The following WSCD2 variants were observed in gnomAD, a reference collection of about 807,000 sequenced individuals.
WSCD2 encodes WSC domain sialate O sulfotransferase 2.
A neutral mutation model predicts 55.7 loss-of-function variants in WSCD2; 28 were observed. The ratio of observed to expected loss-of-function variants is 0.50; its 90% CI spans 0.37 to 0.69. The LOEUF is 0.69. Among genes scored for constraint, WSCD2 ranks in the 30% least tolerant of loss-of-function variants. The pLI, the probability that WSCD2 is intolerant of heterozygous loss-of-function variation, is 0.00. For missense variants in WSCD2, 616 were observed against 762.1 expected (o/e 0.81, Z 2.26); for synonymous variants, 301 against 301.9 (o/e 1.00, Z 0.03).
At chr12:108,237,792 G>A (rs1224430816) in intron 7 of WSCD2, among the ~76,000 whole-genome samples, 1 of 152,172 alleles carries the variant, frequency 6.6e-6, no homozygotes, top group Non-Finnish European at 1.5e-5. Flanking sequence ...GCTTTTCTAG[G>A]TTTTTTGTTT....
chr12:108,208,893 A>G (rs1885772743), intron 3 of WSCD2, among the ~76,000 whole-genome samples: 1 of 152,242 alleles, frequency 6.6e-6, no homozygotes, highest in African/African-American at 2.4e-5. Context: ...ATTATATTCT[A>G]GAGAATAAGA....
chr12:108,203,771 C>A (rs1030265386), intron 2 of WSCD2, among the ~76,000 whole-genome samples: 1 of 152,206 alleles, frequency 6.6e-6, no homozygotes, highest in African/African-American at 2.4e-5. Context: ...TGAAGTCATC[C>A]AAAGTCCTAT....
At chr12:108,178,707 C>G (rs539658167) in intron 1 of WSCD2, among the ~76,000 whole-genome samples, 1 of 152,276 alleles carries the variant, frequency 6.6e-6, no homozygotes, top group East Asian at 1.9e-4. Context: ...TACTCATAGG[C>G]TACCTGACAT....
chr12:108,243,524 G>A (rs532069134), intron 8 of WSCD2, among the ~76,000 whole-genome samples: 45 of 152,232 alleles, frequency 3.0e-4, no homozygotes, highest in African/African-American at 1.0e-3. Flanking sequence ...GTGAGCCACC[G>A]CGCCCAGCCA....
intron 1 of WSCD2, among the ~76,000 whole-genome samples, chr12:108,188,353 G>GATT (rs1229890971): frequency 6.6e-6 from 1 of 152,070 alleles, no homozygotes; most frequent in African/African-American, 2.4e-5. Flanking sequence ...AAAAAAGTGG[G>GATT]ATTGTTGTGT....
chr12:108,193,007 C>T (rs1290841763), intron 1 of WSCD2, among the ~76,000 whole-genome samples: 2 of 151,902 alleles, frequency 1.3e-5, no homozygotes, highest in South Asian at 2.1e-4. Flanking sequence ...AATAGACATA[C>T]GGTTAGGAAT....
chr12:108,250,016 C>G lies in WSCD2; in HGVS notation c.*1673C>G, dbSNP rs1411899321. ...TCTCTGGGAGACTCTTGGTCCAAGACCTGGGTCAGTTCTTTGCTGGTGGTC... is the reference window on the plus strand; with the variant it reads ...TCTCTGGGAGACTCTTGGTCCAAGAGCTGGGTCAGTTCTTTGCTGGTGGTC... On this transcript the variant is annotated 3_prime_UTR_variant, in exon 9 of 9. Transcript: ENST00000547525. 6.5e-6 allele frequency: 1 copy of G among 152,684 alleles called. No homozygotes were observed. The highest frequency in any genetic ancestry group is 2.1e-4 in the South Asian group (1 of 4,826). The allele number at this position is 152,684 out of a possible 1,614,324, so 9.5% of individuals were successfully genotyped here.
intron 1 of WSCD2, among the ~76,000 whole-genome samples, chr12:108,158,461 G>C (rs1262177156): frequency 6.6e-6 from 1 of 151,896 alleles, no homozygotes; most frequent in African/African-American, 2.4e-5. Flanking sequence ...CAAGTCCCTG[G>C]GGCGGGCGGG....
chr12:108,198,609 G>A (rs2137058268), intron 2 of WSCD2, among the ~76,000 whole-genome samples: 1 of 152,316 alleles, frequency 6.6e-6, no homozygotes, highest in Non-Finnish European at 1.5e-5. Flanking sequence ...CATTTCTTGA[G>A]TACCTACTTC....
rs543756763 is a variant in WSCD2 at position 108,175,825 on chromosome 12, G to A, written c.-551-19457G>A. On this transcript the variant is annotated intron_variant, in intron 1 of 8. Transcript: ENST00000547525. ...AAGCACAGTGGGTTAATGTTACATG[G>A]CATTTTTCTTTTCTTTTCTTTTCTT... is the stretch of plus-strand genomic sequence containing the variant. Among the ~76,000 whole-genome samples, 3 of 152,300 alleles carry A rather than the reference G, an allele frequency of 2.0e-5. No individual in the cohort carries two copies. The East Asian group carries it at 5.8e-4, about 29-fold the overall frequency.
chr12:108,169,443 A>G (rs1369961725), intron 1 of WSCD2, among the ~76,000 whole-genome samples: 1 of 152,056 alleles, frequency 6.6e-6, no homozygotes, highest in Non-Finnish European at 1.5e-5. Context: ...GAGAGCACAG[A>G]ATTGCAAAAT....
In WSCD2 at chr12:108,217,657, A is replaced by G. The variant is rs117405607; in HGVS notation, c.683-7082A>G. On this transcript the variant is annotated intron_variant, in intron 4 of 8. Transcript: ENST00000547525. ...ACTTCACACCGTTTCCCCACAAAGTAAAATAGGCCAGACTTCAGGAATATC... is the reference window on the plus strand; with the variant it reads ...ACTTCACACCGTTTCCCCACAAAGTGAAATAGGCCAGACTTCAGGAATATC... 2.6e-5 allele frequency among the ~76,000 whole-genome samples: 4 copies of G among 152,248 alleles called. No homozygotes were observed. The East Asian group carries it at 5.8e-4, about 22-fold the overall frequency.
chr12:108,245,338 A>C (rs2137246840), intron 8 of WSCD2, among the ~76,000 whole-genome samples: 1 of 152,312 alleles, frequency 6.6e-6, no homozygotes, highest in East Asian at 1.9e-4. Flanking sequence ...GAGATCATGC[A>C]TGCAGAGTGC....
intron 2 of WSCD2, among the ~76,000 whole-genome samples, chr12:108,201,519 T>TGGGGGGG (rs34937873): frequency 2.0e-4 from 26 of 127,918 alleles, no homozygotes; most frequent in South Asian, 1.5e-3. Flanking sequence ...GGGGTGTGGG[T>TGGGGGGG]GGGGGGCGGG....
At chr12:108,155,246 G>T (rs1325831389) in intron 1 of WSCD2, among the ~76,000 whole-genome samples, 1 of 152,188 alleles carries the variant, frequency 6.6e-6, no homozygotes. Flanking sequence ...TTTTGATATG[G>T]ATGGAAGAGA....
At chr12:108,238,726 C>T (rs1338741399) in intron 7 of WSCD2, among the ~76,000 whole-genome samples, 1 of 152,194 alleles carries the variant, frequency 6.6e-6, no homozygotes, top group Non-Finnish European at 1.5e-5. Flanking sequence ...GTTGTAAACA[C>T]AGCCAGTATC....
chr12:108,199,336 G>A (rs146718162), intron 2 of WSCD2, among the ~76,000 whole-genome samples: 4 of 152,334 alleles, frequency 2.6e-5, no homozygotes, highest in East Asian at 1.9e-4. Context: ...TGGCCCGGGA[G>A]TGGGAGGGGA....
chr12:108,187,115 TGG>T (rs1288204505), intron 1 of WSCD2, among the ~76,000 whole-genome samples: 1 of 152,226 alleles, frequency 6.6e-6, no homozygotes, highest in Non-Finnish European at 1.5e-5. Context: ...TCCATATTTC[TGG>T]GGCCAAGAAT....
chr12:108,188,467 G>C (rs1382878156), intron 1 of WSCD2, among the ~76,000 whole-genome samples: 1 of 152,148 alleles, frequency 6.6e-6, no homozygotes, highest in East Asian at 1.9e-4. Context: ...TGAATGGAAG[G>C]GTGTGTCCCA....
Sources: allele counts gnomAD v4.1 joint callset (sites outside exome capture counted in the v4.1 genomes callset), GRCh38; gene constraint gnomAD v4.1.1; transcripts MANE v1.5; gene names NCBI Gene and HGNC (gene_info 2026-07-23, HGNC 2026-07-21).